Variants in CACNA1C observed in about 807,000 individuals in gnomAD.
CACNA1C encodes the protein voltage-dependent L-type calcium channel subunit alpha-1C.
Under a neutral mutation model 229.0 loss-of-function variants are expected in CACNA1C, and 30 were observed. The ratio of observed to expected loss-of-function variants is 0.13; its 90% CI spans 0.10 to 0.18. The LOEUF (loss-of-function observed/expected upper bound fraction) is 0.18. CACNA1C is among the 10% of genes least tolerant of loss of function. The probability of loss-of-function intolerance (pLI) is 1.00; values close to 1 mark genes in which losing one functional copy is unlikely to be tolerated. For missense variants in CACNA1C, 1,658 were observed against 2,845.0 expected, an observed-to-expected ratio of 0.58 and a Z score of 9.49; for synonymous variants, 1,114 against 1,132.5, an observed-to-expected ratio of 0.98 and a Z score of 0.33.
At chr12:2,049,399 A>AT (rs2051697798), upstream of CACNA1C, 1 of 152,220 alleles carries the variant, frequency 6.6e-6, no homozygotes, top group African/African-American at 2.4e-5. Flanking sequence ...TTTAACCAAC[A>AT]TTTTTGTTGA....
At chr12:2,061,826 A>T (rs969297823) in intron 1 of CACNA1C, among the ~76,000 whole-genome samples, 11 of 152,234 alleles carry the variant, frequency 7.2e-5, no homozygotes, top group African/African-American at 2.7e-4. Context: ...GTACAGGAGG[A>T]CGGGCTGGAA....
At chr12:2,077,761 G>A (rs2063770822) in intron 1 of CACNA1C, among the ~76,000 whole-genome samples, 1 of 152,126 alleles carries the variant, frequency 6.6e-6, no homozygotes, top group African/African-American at 2.4e-5. Flanking sequence ...TTCAGAGAAG[G>A]GAGATGAGAA....
intron 9 of CACNA1C, among the ~76,000 whole-genome samples, chr12:2,515,247 G>A (rs542774702): frequency 3.3e-5 from 5 of 152,324 alleles, no homozygotes; most frequent in South Asian, 4.1e-4. Flanking sequence ...GAAGTGGAAC[G>A]TGAGAGACAG....
intron 3 of CACNA1C, among the ~76,000 whole-genome samples, chr12:2,136,264 G>C (rs548044244): frequency 1.8e-4 from 28 of 151,462 alleles, no homozygotes; most frequent in South Asian, 2.1e-4. Context: ...TTCTGCGTCG[G>C]TCACGCTGAG....
Position 2,403,895 on chromosome 12 carries a change from G to A in CACNA1C, c.478-45081G>A, listed in dbSNP as rs916003804. On this transcript the variant is annotated intron_variant, in intron 3 of 46. Coordinates refer to ENST00000399655, the MANE Select transcript of CACNA1C (RefSeq NM_000719.7). This position sits in a 1 kb window ranked among gnomAD's most constrained non-coding sequence, Gnocchi z 4.1. Reference sequence around the variant, plus strand: ...CCCAGGGACTTTCTCAGAGATGCCTGTTTCCACCTAGAGGAAAGACTTAAT... The same window carrying A: ...CCCAGGGACTTTCTCAGAGATGCCTATTTCCACCTAGAGGAAAGACTTAAT... Among the ~76,000 whole-genome samples, 8 of 152,182 alleles carry A rather than the reference G, an allele frequency of 5.3e-5. No individual in the cohort carries two copies. The highest frequency in any genetic ancestry group is 1.7e-4 in the African/African-American group (7 of 41,454).
At chr12:2,682,878 AC>A (rs374174013) in intron 43 of CACNA1C, among the ~76,000 whole-genome samples, 200 bp downstream of exon 43, 1 of 52,416 alleles carries the variant, frequency 1.9e-5, no homozygotes, top group Non-Finnish European at 5.0e-5. Flanking sequence ...ACACACACAC[AC>A]CACACACACA....
intron 29 of CACNA1C, among the ~76,000 whole-genome samples, chr12:2,624,655 C>T (rs1035627654): frequency 3.3e-5 from 5 of 152,242 alleles, no homozygotes; most frequent in Non-Finnish European, 7.3e-5. Flanking sequence ...ATAGTCTCCG[C>T]ACCCACTGTA....
chr12:2,504,583 A>G lies in CACNA1C; in HGVS notation c.1114-259A>G. On this transcript the variant is annotated intron_variant, in intron 7 of 46. Coordinates refer to ENST00000399655, the MANE Select transcript of CACNA1C (RefSeq NM_000719.7). This position sits in a 1 kb window ranked among gnomAD's most constrained non-coding sequence, Gnocchi z 6.8. ...TGTCCTCTCCACAACGCAGCCGAGCAAGGTCTCAGGTTCCACTCCGTACAT... is the reference window on the plus strand; with the variant it reads ...TGTCCTCTCCACAACGCAGCCGAGCGAGGTCTCAGGTTCCACTCCGTACAT... The G allele has an allele frequency of 8.3e-7, 1 of 1,210,780 alleles. No individual in the cohort carries two copies. Among genetic ancestry groups the G allele is most frequent in the Non-Finnish European group, 1.2e-6 (1 of 813,216 alleles). 75.0% of individuals were successfully genotyped at this position (1,210,780 alleles called of 1,614,324 possible). A position where few individuals can be genotyped will look rare whatever the true frequency, so the allele number is the denominator to read the frequency against.
At chr12:2,600,840 G>T (rs1037382573) in intron 21 of CACNA1C, among the ~76,000 whole-genome samples, 1 of 152,204 alleles carries the variant, frequency 6.6e-6, no homozygotes, top group South Asian at 2.1e-4. Context: ...TCAAATCCAG[G>T]CTGTAGTGAC....
At position 2,593,353 on chromosome 12, in the gene CACNA1C, G is replaced by C. The variant is rs2066373114; in HGVS notation, c.2663+8G>C. The C allele has an allele frequency of 6.2e-7, 1 of 1,613,308 alleles. No individual in the cohort carries two copies. On this transcript the variant is annotated splice_region_variant and intron_variant, in intron 19 of 46. Coordinates refer to ENST00000399655, the MANE Select transcript of CACNA1C (RefSeq NM_000719.7). Reference sequence around the variant, plus strand: ...CTTCAGCTCTAACAACAGGTGTGCAGCAATGGTGGGGAAGGTGGGGTCCTG... The same window carrying C: ...CTTCAGCTCTAACAACAGGTGTGCACCAATGGTGGGGAAGGTGGGGTCCTG...
At chr12:2,557,885 G>A (rs2045325623) in intron 11 of CACNA1C, among the ~76,000 whole-genome samples, 1 of 152,218 alleles carries the variant, frequency 6.6e-6, no homozygotes, top group Admixed American at 6.5e-5. Context: ...CTGTCCAGTG[G>A]TGAACGTCCA....
chr12:2,573,752 T>C (rs1036050095), intron 13 of CACNA1C, among the ~76,000 whole-genome samples: 6 of 152,216 alleles, frequency 3.9e-5, no homozygotes, highest in Non-Finnish European at 7.3e-5. Context: ...CCAAAGTTTG[T>C]GAATAGTTTC....
At chr12:2,545,616 T>C (rs2099879676) in intron 9 of CACNA1C, among the ~76,000 whole-genome samples, 1 of 152,192 alleles carries the variant, frequency 6.6e-6, no homozygotes, top group Non-Finnish European at 1.5e-5. Context: ...AAATAGCAAG[T>C]AATACATCAT....
chr12:2,484,866 T>A (rs538352904), intron 5 of CACNA1C, among the ~76,000 whole-genome samples: 2 of 152,226 alleles, frequency 1.3e-5, no homozygotes, highest in South Asian at 4.1e-4. Context: ...GCAAGCACTC[T>A]TATTAATTCA....
chr12:2,212,091 T>C (rs957054765), intron 3 of CACNA1C, among the ~76,000 whole-genome samples: 1 of 152,230 alleles, frequency 6.6e-6, no homozygotes, highest in Non-Finnish European at 1.5e-5. Flanking sequence ...TTTGGATCAA[T>C]GGCTGGGTAA....
chr12:2,583,255 C>T (rs1396271630), intron 15 of CACNA1C, among the ~76,000 whole-genome samples: 1 of 152,226 alleles, frequency 6.6e-6, no homozygotes, highest in Non-Finnish European at 1.5e-5. Flanking sequence ...TAGGGACGCG[C>T]GGGAGCGGGC....
In CACNA1C at chr12:2,581,636, G is replaced by C; in HGVS notation, c.1942G>C (p.Val648Leu). Residue 648 changes from valine to leucine, a missense_variant, in exon 14 of 47, where the codon GTG becomes CTG. Val to Leu is a conservative substitution (Grantham distance 32). Around this residue, in one of 20 missense-constraint regions of CACNA1C, gnomAD observed 30 missense variants for 96.6 expected, o/e 0.31. Transcript: ENST00000399655. ...CCTGGTGGCATCCTTGCTGAACTCT[G>C]TGCGCTCCATCGCCTCCCTGCTCCT... ...SNLVASLLNS[V>L]RSIASLLLLL... is the part of the protein sequence containing the mutation. The C allele has an allele frequency of 6.3e-7, 1 of 1,589,850 alleles. No homozygotes were observed. Among genetic ancestry groups the C allele is most frequent in the Non-Finnish European group, 8.6e-7 (1 of 1,167,342 alleles).
intron 21 of CACNA1C, among the ~76,000 whole-genome samples, chr12:2,598,380 G>A (rs897334336): frequency 2.6e-5 from 4 of 152,160 alleles, no homozygotes; most frequent in African/African-American, 7.2e-5. Flanking sequence ...TCCATTTTTC[G>A]GGTATATTTC....
intron 1 of CACNA1C, among the ~76,000 whole-genome samples, chr12:2,036,334 C>T (rs986462373): frequency 4.6e-5 from 7 of 152,232 alleles, no homozygotes; most frequent in African/African-American, 9.6e-5. Context: ...TCAGGGTAGG[C>T]GCTCTGATCA....
Sources: gnomAD v4.1 joint callset for allele counts (sites outside exome capture counted in the v4.1 genomes callset) on GRCh38, gnomAD v4.1.1 for gene constraint, gnomAD v4.1.1 regional missense constraint, Gnocchi (gnomAD v3.1) non-coding constraint, MANE v1.5 for transcripts, NCBI Gene and HGNC (gene_info 2026-07-23, HGNC 2026-07-21) for gene names.